The following GGA3 variants were observed in gnomAD, a reference collection of about 807,000 sequenced individuals.
GGA3 encodes the protein golgi associated, gamma adaptin ear containing, ARF binding protein 3.
Under a neutral mutation model 77.5 loss-of-function variants are expected in GGA3, and 57 were observed. That is an observed-to-expected ratio of 0.74 (90% CI 0.59 to 0.92). GGA3 has a LOEUF of 0.92. Ranked by LOEUF, GGA3 falls within the 40% of genes least tolerant of loss-of-function variation. The pLI is 0.00. For missense variants in GGA3, 970 were observed against 914.9 expected, an observed-to-expected ratio of 1.06 and a Z score of -0.78; for synonymous variants, 416 against 383.7, an observed-to-expected ratio of 1.08 and a Z score of -0.98.
intron 1 of GGA3, among the ~76,000 whole-genome samples, chr17:75,253,677 C>T (rs1311523210): frequency 6.6e-6 from 1 of 152,244 alleles, no homozygotes; most frequent in African/African-American, 2.4e-5. Flanking sequence ...CGCACCCCGA[C>T]CTCTTATCTG....
chr17:75,256,930 A>G (rs1471026997), intron 1 of GGA3, among the ~76,000 whole-genome samples: 4 of 151,814 alleles, frequency 2.6e-5, no homozygotes, highest in South Asian at 2.1e-4. Flanking sequence ...GTCAGACACA[A>G]TTCCTCAGTT....
chr17:75,253,504 GC>G (rs1430885820), intron 1 of GGA3, among the ~76,000 whole-genome samples: 2 of 152,118 alleles, frequency 1.3e-5, no homozygotes, highest in Non-Finnish European at 2.9e-5. Context: ...GGCAAGTCCT[GC>G]TTTTCTGGGG....
Position 75,250,236 on chromosome 17 carries a change from T to C in GGA3, c.41-3440A>G, listed in dbSNP as rs542020448. ...ACACCCGAGCTTCCCCTATAGACCTTGCCTTCCCGAACCGCCCCTCCGGGC... is the reference window on the plus strand; with the variant it reads ...ACACCCGAGCTTCCCCTATAGACCTCGCCTTCCCGAACCGCCCCTCCGGGC... On this transcript the variant is annotated intron_variant, in intron 1 of 16. Coordinates refer to ENST00000537686, the MANE Select transcript of GGA3 (RefSeq NM_138619.4). Among the ~76,000 whole-genome samples the C allele has an allele frequency of 5.3e-5, 8 of 152,362 alleles. No homozygotes were observed. The South Asian group carries it at 1.4e-3, about 28-fold the overall frequency.
At chr17:75,240,168 C>T (rs2076491722) in intron 12 of GGA3, 60 bp from the exon 13 acceptor site, 7 of 1,335,464 alleles carry the variant, frequency 5.2e-6, no homozygotes, top group African/African-American at 2.9e-5. Context: ...GCCGCTGGAA[C>T]GGGGCGCAGC....
At chr17:75,258,835 T>TTC (rs2077244873) in intron 1 of GGA3, among the ~76,000 whole-genome samples, 2 of 151,672 alleles carry the variant, frequency 1.3e-5, no homozygotes, top group Non-Finnish European at 2.9e-5. Context: ...GTTTTTTTTT[T>TTC]TCCAACTTTT....
rs759121397 is a variant in GGA3 at position 75,240,010 on chromosome 17, TGAG to T, written c.1359_1361del (p.Ser457del). The stretch of plus-strand genomic sequence containing the variant: ...GCGGCAGTGGAGCTTGGGAGCTGCT[TGAG>T]GAGGGGGCTGAGGGCTGGAGCAGAG... On this transcript the variant is annotated inframe_deletion, in exon 13 of 17. Coordinates refer to ENST00000537686, the MANE Select transcript of GGA3 (RefSeq NM_138619.4). The T allele has an allele frequency of 5.2e-6, 8 of 1,552,854 alleles. No homozygotes were observed. The highest frequency in any genetic ancestry group is 2.0e-5 in the Admixed American group (1 of 51,152).
At chr17:75,240,711 C>T in intron 11 of GGA3, 101 bp downstream of exon 11, 1 of 1,324,660 alleles carries the variant, frequency 7.5e-7, no homozygotes, top group Non-Finnish European at 1.0e-6. Flanking sequence ...TTGCCCACCC[C>T]AACAGTCACA....
At chr17:75,241,142 G>A in intron 10 of GGA3, 85 bp from the exon 11 acceptor site, 2 of 1,470,206 alleles carry the variant, frequency 1.4e-6, no homozygotes. Flanking sequence ...AGGCACAGAG[G>A]TCACTGCTAC....
At chr17:75,241,824 G>A in intron 8 of GGA3, 128 bp from the exon 9 acceptor site, 1 of 793,406 alleles carries the variant, frequency 1.3e-6, no homozygotes, top group Non-Finnish European at 2.2e-6. Context: ...AGCAAAGCTG[G>A]GATCACAGCG....
upstream of GGA3, chr17:75,262,279 T>TA (rs2077415419): frequency 1.5e-6 from 1 of 654,468 alleles, no homozygotes; most frequent in African/African-American, 1.8e-5. Flanking sequence ...AGCCCATCCT[T>TA]ACCGTTAGCA....
chr17:75,240,564 G>A, intron 11 of GGA3, 152 bp from the exon 12 acceptor site: 2 of 664,890 alleles, frequency 3.0e-6, no homozygotes, highest in Non-Finnish European at 5.2e-6. Context: ...GAGGGGAATG[G>A]AGCGCTCCAG....
Position 75,239,551 on chromosome 17 carries a change from G to C in GGA3, c.1604C>G (p.Pro535Arg). Reference protein sequence around the residue: ...EAKVTSGLVKPTTSPLIPTTT... With the variant: ...EAKVTSGLVKRTTSPLIPTTT... Reference sequence around the variant, plus strand: ...GGTGGGGATGAGAGGGGAGGTAGTGGGTTTCACCAAGCCCGAGGTCCTGGG... The same window carrying C: ...GGTGGGGATGAGAGGGGAGGTAGTGCGTTTCACCAAGCCCGAGGTCCTGGG... Residue 535 changes from proline (P) to arginine (R), a missense_variant, in exon 14 of 17, where the codon CCC becomes CGC. By Grantham distance (103) the Pro-to-Arg change is moderately radical. Coordinates refer to ENST00000537686, the MANE Select transcript of GGA3 (RefSeq NM_138619.4). The C allele has an allele frequency of 1.3e-6, 2 of 1,560,596 alleles. No homozygotes were observed. Among genetic ancestry groups the C allele is most frequent in the Non-Finnish European group, 1.7e-6 (2 of 1,152,612 alleles).
Position 75,237,392 on chromosome 17 carries a change from C to G in GGA3, c.*887G>C. ...GCCATCTGGTGAGAGGAGAGGGAGG[C>G]CAAAGCAGTAGGATGTAGAGTGGCG... is the stretch of plus-strand genomic sequence containing the variant. On this transcript the variant is annotated 3_prime_UTR_variant, in exon 17 of 17. Coordinates refer to ENST00000537686, the MANE Select transcript of GGA3 (RefSeq NM_138619.4). 1 of 1,216,528 alleles carries G rather than the reference C, an allele frequency of 8.2e-7. No individual in the cohort carries two copies. Among genetic ancestry groups the G allele is most frequent in the East Asian group, 2.5e-5 (1 of 39,534 alleles). 75.4% of individuals were successfully genotyped at this position (1,216,528 alleles called of 1,614,324 possible).
intron 7 of GGA3, 39 bp from the exon 8 acceptor site, chr17:75,242,512 C>T: frequency 6.2e-7 from 1 of 1,612,534 alleles, no homozygotes; most frequent in Non-Finnish European, 8.5e-7. Context: ...GAGAGCGTCA[C>T]TTGACTGTCT....
rs758533079 is a variant in GGA3, at chr17:75,240,390, A to G, written c.1215T>C (p.Asn405=). ...LCLGLADPAP[N]VPPKESAGNS... ...TCCCAGCTGACTCTTTGGGAGGAAC[A>G]TTAGGGGCTGGGTCGGCGAGGCCTG... is the stretch of plus-strand genomic sequence containing the variant. The change falls in exon 12 of 17, where the codon AAT becomes AAC. Residue 405 remains asparagine, a synonymous_variant. Transcript: ENST00000537686. The G allele has an allele frequency of 3.7e-6, 6 of 1,600,698 alleles. No homozygotes were observed. The highest frequency in any genetic ancestry group is 1.7e-5 in the Admixed American group (1 of 57,518).
Position 75,244,632 on chromosome 17 carries a change from A to G in GGA3, c.287T>C (p.Val96Ala). The G allele has an allele frequency of 6.2e-7, 1 of 1,609,722 alleles. No individual in the cohort carries two copies. The highest frequency in any genetic ancestry group is 8.5e-7 in the Non-Finnish European group (1 of 1,175,946). Residue 96 changes from valine to alanine, a missense_variant, in exon 4 of 17, where the codon GTC becomes GCC. Physicochemically the swap from Val to Ala is moderately conservative, Grantham distance 64. Coordinates refer to ENST00000537686, the MANE Select transcript of GGA3 (RefSeq NM_138619.4). ...KFRFLNELIKVVSPKYLGDRV... is the reference protein window; with the variant it reads ...KFRFLNELIKAVSPKYLGDRV... ...CCGCTGACTGACCTTTGGAGAGACGACTTTGATTAACTCATTCAAAAAGCG... is the reference window on the plus strand; with the variant it reads ...CCGCTGACTGACCTTTGGAGAGACGGCTTTGATTAACTCATTCAAAAAGCG...
At position 75,243,092 on chromosome 17, in the gene GGA3, G is replaced by T; in HGVS notation, c.499C>A (p.Pro167Thr). 1 of 1,613,454 alleles carries T rather than the reference G, an allele frequency of 6.2e-7. No individual in the cohort carries two copies. The highest frequency in any genetic ancestry group is 1.7e-5 in the Admixed American group (1 of 59,938). ...GACTTCTCCTCATCATCAAAAACAGGGTTTTTGGGACGAGGTGGTGGAGAG... is the reference window on the plus strand; with the variant it reads ...GACTTCTCCTCATCATCAAAAACAGTGTTTTTGGGACGAGGTGGTGGAGAG... Reference protein sequence around the residue: ...IPSPPPRPKNPVFDDEEKSKL... With the variant: ...IPSPPPRPKNTVFDDEEKSKL... Residue 167 changes from proline (P) to threonine (T), a missense_variant, in exon 6 of 17, where the codon CCT becomes ACT. Coordinates refer to ENST00000537686, the MANE Select transcript of GGA3 (RefSeq NM_138619.4).
chr17:75,258,931 C>T (rs566914341), intron 1 of GGA3, among the ~76,000 whole-genome samples: 10 of 150,210 alleles, frequency 6.7e-5, no homozygotes, highest in Non-Finnish European at 1.3e-4. Context: ...AGAATGCCGG[C>T]GTTTTAGCAC....
Position 75,238,766 on chromosome 17 carries a change from AAGAGAG to A in GGA3, c.1951-10_1951-5del, listed in dbSNP as rs762090715. The A allele has an allele frequency of 1.2e-6, 2 of 1,609,510 alleles. No homozygotes were observed. The highest frequency in any genetic ancestry group is 1.7e-6 in the Non-Finnish European group (2 of 1,176,622). ...GCTGCAACTTCACTTTCATTGACTA[AAGAGAG>A]AGAAACTCCTTTGAAGAGAACTGGT... On this transcript the variant is annotated splice_region_variant and splice_polypyrimidine_tract_variant and intron_variant, in intron 15 of 16. Transcript: ENST00000537686.
Sources: gnomAD v4.1 joint callset for allele counts (sites outside exome capture counted in the v4.1 genomes callset) on GRCh38, gnomAD v4.1.1 for gene constraint, MANE v1.5 for transcripts, NCBI Gene and HGNC (gene_info 2026-07-23, HGNC 2026-07-21) for gene names.